Variants in TYR observed in about 807,000 individuals in gnomAD.
TYR encodes LB24-AB.
In TYR, 58 loss-of-function variants were observed where a neutral mutation model predicts 51.5. The ratio of observed to expected loss-of-function variants is 1.13; its 90% CI spans 0.91 to 1.40. The LOEUF is 1.40. TYR is among the 40% of genes most tolerant of loss of function. The pLI is 0.00. For missense variants in TYR, 732 were observed against 647.4 expected (o/e 1.13, Z -1.42); for synonymous variants, 263 against 235.2 (o/e 1.12, Z -1.08).
chr11:89,248,671 A>G (rs1221202482), intron 3 of TYR, among the ~76,000 whole-genome samples: 3 of 152,212 alleles, frequency 2.0e-5, no homozygotes, highest in Admixed American at 1.3e-4. Context: ...AATTATTTTA[A>G]TCCAGGTGCT....
intron 2 of TYR, among the ~76,000 whole-genome samples, chr11:89,202,268 G>A (rs550454071): frequency 3.9e-4 from 59 of 152,196 alleles, no homozygotes; most frequent in South Asian, 8.3e-4. Flanking sequence ...TCTGGTGGCT[G>A]TTGAGGTTGT....
At chr11:89,274,521 A>T (rs1159711973) in intron 3 of TYR, among the ~76,000 whole-genome samples, 1 of 151,912 alleles carries the variant, frequency 6.6e-6, no homozygotes, top group Non-Finnish European at 1.5e-5. Context: ...ACTGCATGTT[A>T]AGTACTGCCC....
Position 89,274,294 on chromosome 11 carries a change from C to T in TYR, c.1185-10479C>T, listed in dbSNP as rs137886214. ...GACAACTCTTTTATTTGTGGTACAC[C>T]ATAATTCACAAATAGCAAAAATTTG... On this transcript the variant is annotated intron_variant, in intron 3 of 4. Coordinates refer to ENST00000263321, the MANE Select transcript of TYR (RefSeq NM_000372.5). 6.2e-4 allele frequency among the ~76,000 whole-genome samples: 94 copies of T among 151,838 alleles called. 1 individual carries two copies. Among genetic ancestry groups the T allele is most frequent in the African/African-American group, 2.1e-3 (89 of 41,452 alleles).
At chr11:89,189,577 C>A (rs980441632) in intron 1 of TYR, among the ~76,000 whole-genome samples, 2 of 151,952 alleles carry the variant, frequency 1.3e-5, no homozygotes, top group African/African-American at 4.8e-5. Flanking sequence ...TGAGTGTTTT[C>A]TGTTGGTCAT....
At chr11:89,272,095 T>C (rs766841726) in intron 3 of TYR, among the ~76,000 whole-genome samples, 1 of 151,942 alleles carries the variant, frequency 6.6e-6, no homozygotes, top group Non-Finnish European at 1.5e-5. Context: ...AATGTTGATA[T>C]TTTGGCCACC....
intron 2 of TYR, among the ~76,000 whole-genome samples, chr11:89,198,317 G>C (rs1450608846): frequency 1.3e-5 from 2 of 152,038 alleles, no homozygotes; most frequent in African/African-American, 2.4e-5. Flanking sequence ...AACATGGAGT[G>C]ACGCATTCTA....
At chr11:89,242,129 A>G (rs751886507) in intron 3 of TYR, among the ~76,000 whole-genome samples, 83 of 152,220 alleles carry the variant, frequency 5.5e-4, no homozygotes, top group Middle Eastern at 3.4e-3. Flanking sequence ...TATTTCAGAG[A>G]AAGATGAGTG....
intron 2 of TYR, among the ~76,000 whole-genome samples, chr11:89,218,314 A>G (rs895172359): frequency 6.6e-6 from 1 of 152,216 alleles, no homozygotes; most frequent in Non-Finnish European, 1.5e-5. Flanking sequence ...ATTAAAAAAC[A>G]TTTATAGATA....
At chr11:89,187,389 G>A (rs1245133231) in intron 1 of TYR, among the ~76,000 whole-genome samples, 1 of 152,096 alleles carries the variant, frequency 6.6e-6, no homozygotes, top group Non-Finnish European at 1.5e-5. Context: ...ATAGAGGAAT[G>A]TGTTTTGTGA....
intron 3 of TYR, among the ~76,000 whole-genome samples, chr11:89,244,727 A>ACCATTCTTGTAT (rs1197463804): frequency 6.6e-6 from 1 of 152,058 alleles, no homozygotes; most frequent in Non-Finnish European, 1.5e-5. Context: ...GCTTATACAG[A>ACCATTCTTGTAT]AAAAAAACAA....
chr11:89,276,055 G>T (rs1944650430), intron 3 of TYR, among the ~76,000 whole-genome samples: 1 of 151,872 alleles, frequency 6.6e-6, no homozygotes, highest in African/African-American at 2.4e-5. Context: ...TGGGTAGATA[G>T]TTGGCACCTA....
chr11:89,180,849 C>A (rs772288872), intron 1 of TYR, among the ~76,000 whole-genome samples: 1 of 152,118 alleles, frequency 6.6e-6, no homozygotes, highest in South Asian at 2.1e-4. Flanking sequence ...CACACAGCCT[C>A]TCTGGTTACA....
At chr11:89,227,345 T>G (rs866062188) in intron 2 of TYR, among the ~76,000 whole-genome samples, 1 of 152,136 alleles carries the variant, frequency 6.6e-6, no homozygotes, top group South Asian at 2.1e-4. Flanking sequence ...AAAGAGGAAT[T>G]GAAATGTGAA....
At chr11:89,274,361 AG>A (rs1320908256) in intron 3 of TYR, among the ~76,000 whole-genome samples, 2 of 151,944 alleles carry the variant, frequency 1.3e-5, no homozygotes, top group African/African-American at 4.8e-5. Flanking sequence ...TTGAAAGAAA[AG>A]CAGGGTCTAG....
In TYR at chr11:89,227,838, T is replaced by A. The variant is rs776935572; in HGVS notation, c.1052T>A (p.Leu351His). The change falls in exon 3 of 5, where the codon CTT becomes CAT. Residue 351 changes from leucine (L) to histidine (H), a missense_variant. Transcript: ENST00000263321. Reference protein sequence around the residue: ...RNTLEGFASPLTGIADASQSS... With the variant: ...RNTLEGFASPHTGIADASQSS... Reference sequence around the variant, plus strand: ...TAATGAACAGGATTTGCTAGTCCACTTACTGGGATAGCGGATGCCTCTCAA... The same window carrying A: ...TAATGAACAGGATTTGCTAGTCCACATACTGGGATAGCGGATGCCTCTCAA... The A allele has an allele frequency of 3.1e-6, 5 of 1,613,212 alleles. No homozygotes were observed. The highest frequency in any genetic ancestry group is 3.4e-6 in the Non-Finnish European group (4 of 1,179,648).
At chr11:89,251,918 A>G (rs1376923024) in intron 3 of TYR, among the ~76,000 whole-genome samples, 3 of 151,872 alleles carry the variant, frequency 2.0e-5, no homozygotes, top group Admixed American at 6.6e-5. Context: ...GTGTTGAGGT[A>G]TGGAGGTGAG....
At chr11:89,230,221 G>A (rs2135283597) in intron 3 of TYR, among the ~76,000 whole-genome samples, 1 of 152,152 alleles carries the variant, frequency 6.6e-6, no homozygotes, top group East Asian at 1.9e-4. Context: ...GAGCCCATAA[G>A]TCAATCCAAT....
intron 2 of TYR, among the ~76,000 whole-genome samples, chr11:89,217,384 T>C (rs1381288412): frequency 6.6e-6 from 1 of 152,228 alleles, no homozygotes; most frequent in East Asian, 1.9e-4. Context: ...ACCTTCCCTA[T>C]GGCTATGTTA....
intron 3 of TYR, among the ~76,000 whole-genome samples, chr11:89,278,479 T>C (rs1439504404): frequency 2.0e-5 from 3 of 151,718 alleles, no homozygotes; most frequent in Non-Finnish European, 4.4e-5. Flanking sequence ...AGGTCTTCTA[T>C]TACATATGTG....
Sources: gnomAD v4.1 joint callset for allele counts (sites outside exome capture counted in the v4.1 genomes callset) on GRCh38, gnomAD v4.1.1 for gene constraint, MANE v1.5 for transcripts, NCBI Gene and HGNC (gene_info 2026-07-23, HGNC 2026-07-21) for gene names.